The following STARD13 variants were observed in gnomAD, a reference collection of about 807,000 sequenced individuals.
The protein encoded by STARD13 is StAR related lipid transfer domain containing 13, also known as stAR-related lipid transfer protein 13.
Under a neutral mutation model 106.4 loss-of-function variants are expected in STARD13, and 62 were observed. The observed-to-expected ratio is 0.58, with a 90% CI of 0.48 to 0.72. The LOEUF is 0.72. STARD13 is among the 30% of genes least tolerant of loss of function. The probability of loss-of-function intolerance (pLI) is 0.00; values close to 1 mark genes in which losing one functional copy is unlikely to be tolerated. For missense variants in STARD13, 1,387 were observed against 1,424.0 expected (o/e 0.97, Z 0.42); for synonymous variants, 565 against 553.0 (o/e 1.02, Z -0.31).
At chr13:33,370,611 C>T in the STARD13 span, among the ~76,000 whole-genome samples, 1 of 145,022 alleles carries the variant, frequency 6.9e-6, no homozygotes, top group Non-Finnish European at 1.5e-5. Flanking sequence ...TTCTTTCTTT[C>T]TTTCTTTCTT....
At chr13:33,296,764 G>GC (rs998297597) in intron 1 of STARD13, among the ~76,000 whole-genome samples, 20 of 151,736 alleles carry the variant, frequency 1.3e-4, no homozygotes, top group Non-Finnish European at 5.9e-5. Flanking sequence ...GATTACAGGG[G>GC]CCCCCCACCA....
At chr13:33,601,992 A>G in the STARD13 span, among the ~76,000 whole-genome samples, 4 of 152,082 alleles carry the variant, frequency 2.6e-5, no homozygotes, top group Non-Finnish European at 5.9e-5. Context: ...GGCTGTGAGC[A>G]TTTGGGAACT....
At chr13:33,656,792 C>T in the STARD13 span, 1 of 152,172 alleles carries the variant, frequency 6.6e-6, no homozygotes, top group East Asian at 1.9e-4. Context: ...TCATCTAAAC[C>T]AGAGATCCCT....
chr13:33,350,400 C>T (rs1375600439), exon 1 of STARD13: 1 of 1,533,398 alleles, frequency 6.5e-7, no homozygotes, highest in Non-Finnish European at 8.7e-7. Context: ...GCAAGGTTTC[C>T]GTTTGCTGGT....
At position 33,129,836 on chromosome 13, in the gene STARD13, T is replaced by G; in HGVS notation, c.841A>C (p.Thr281Pro). The change falls in exon 5 of 14, where the codon ACA becomes CCA. Residue 281 changes from threonine to proline, a missense_variant. Transcript: ENST00000336934. Reference sequence around the variant, plus strand: ...GGCCCACTGATCACCAGGCCACCTGTCCGCCCAGACCCCTTATGCCTCCCG... The same window carrying G: ...GGCCCACTGATCACCAGGCCACCTGGCCGCCCAGACCCCTTATGCCTCCCG... ...AHGRHKGSGR[T>P]GGLVISGPML... 6.2e-7 allele frequency: 1 copy of G among 1,613,040 alleles called. No individual in the cohort carries two copies. Among genetic ancestry groups the G allele is most frequent in the South Asian group, 1.1e-5 (1 of 91,086 alleles).
chr13:33,222,303 G>T (rs1447361373), intron 1 of STARD13, among the ~76,000 whole-genome samples: 1 of 152,178 alleles, frequency 6.6e-6, no homozygotes, highest in East Asian at 1.9e-4. Flanking sequence ...GGTGCCAGAG[G>T]TTGCGGAATG....
intron 3 of STARD13, among the ~76,000 whole-genome samples, chr13:33,143,673 C>A (rs1880148068): frequency 6.6e-6 from 1 of 152,314 alleles, no homozygotes; most frequent in African/African-American, 2.4e-5. Context: ...CCTGCCTCAG[C>A]CTCCTGAGTA....
chr13:33,520,814 A>T, the STARD13 span, among the ~76,000 whole-genome samples: 1 of 152,036 alleles, frequency 6.6e-6, no homozygotes, highest in Non-Finnish European at 1.5e-5. Flanking sequence ...TGCCCCCACC[A>T]CCTGGGGCTT....
chr13:33,412,170 A>G, the STARD13 span, among the ~76,000 whole-genome samples: 9 of 152,202 alleles, frequency 5.9e-5, no homozygotes, highest in Admixed American at 5.9e-4. Context: ...GTAAATTGAG[A>G]AAAGACTTTA....
At chr13:33,619,982 G>A in the STARD13 span, among the ~76,000 whole-genome samples, 17 of 152,080 alleles carry the variant, frequency 1.1e-4, no homozygotes, top group South Asian at 2.1e-4. Context: ...TCTTGAACTA[G>A]GGAGCCGGAG....
intron 1 of STARD13, among the ~76,000 whole-genome samples, chr13:33,341,361 T>C (rs1594284319): frequency 6.6e-6 from 1 of 152,222 alleles, no homozygotes; most frequent in African/African-American, 2.4e-5. Flanking sequence ...GTGAACGGCA[T>C]GGCGCGGTGC....
chr13:33,228,839 C>A (rs1367560883), intron 1 of STARD13, among the ~76,000 whole-genome samples: 1 of 152,088 alleles, frequency 6.6e-6, no homozygotes, highest in Non-Finnish European at 1.5e-5. Context: ...TGATTAGACA[C>A]GAGTAAGACA....
chr13:33,603,305 A>T, the STARD13 span, among the ~76,000 whole-genome samples: 1 of 152,182 alleles, frequency 6.6e-6, no homozygotes, highest in Admixed American at 6.5e-5. Context: ...ACATGATTAA[A>T]ACCTTCTTCC....
At chr13:33,548,031 ACT>A in the STARD13 span, among the ~76,000 whole-genome samples, 1 of 152,116 alleles carries the variant, frequency 6.6e-6, no homozygotes, top group South Asian at 2.1e-4. Context: ...ATTCACTATA[ACT>A]CTGATCTCCT....
chr13:33,559,101 A>T, the STARD13 span, among the ~76,000 whole-genome samples: 1 of 151,686 alleles, frequency 6.6e-6, no homozygotes, highest in Admixed American at 6.6e-5. Flanking sequence ...ATCTTTTCAA[A>T]TGATTAGCAA....
the STARD13 span, among the ~76,000 whole-genome samples, chr13:33,380,436 G>A: frequency 9.4e-5 from 14 of 149,526 alleles, no homozygotes; most frequent in African/African-American, 3.2e-4. Context: ...AAAAAAAGGT[G>A]GAGAATACCC....
intron 1 of STARD13, among the ~76,000 whole-genome samples, chr13:33,268,569 A>G (rs988761495): frequency 6.6e-6 from 1 of 152,198 alleles, no homozygotes; most frequent in Non-Finnish European, 1.5e-5. Flanking sequence ...CCCATTTTAG[A>G]CGAGGAAATA....
the STARD13 span, among the ~76,000 whole-genome samples, chr13:33,493,597 T>G: frequency 0.34 from 51,813 of 151,906 alleles, 9,021 homozygotes; most frequent in Non-Finnish European, 0.39. Context: ...GAGAAAACTG[T>G]GGGGGTGCGC....
intron 1 of STARD13, among the ~76,000 whole-genome samples, chr13:33,212,847 GA>G (rs34831589): frequency 1.3e-5 from 2 of 152,060 alleles, no homozygotes; most frequent in African/African-American, 4.8e-5. Context: ...CTTTTTCTGA[GA>G]AAAAAGTTAC....
Sources: gnomAD v4.1 joint callset for allele counts (sites outside exome capture counted in the v4.1 genomes callset) on GRCh38, gnomAD v4.1.1 for gene constraint, MANE v1.5 for transcripts, NCBI Gene and HGNC (gene_info 2026-07-23, HGNC 2026-07-21) for gene names.